The following CNTN4 variants were observed in gnomAD, a reference collection of about 807,000 sequenced individuals.
CNTN4 encodes the protein contactin-4.
Under a neutral mutation model 122.5 loss-of-function variants are expected in CNTN4, and 77 were observed. The ratio of observed to expected loss-of-function variants is 0.63; its 90% CI spans 0.52 to 0.76. The LOEUF (loss-of-function observed/expected upper bound fraction) is 0.76, where lower values mean the gene tolerates loss of function less well. Among genes scored for constraint, CNTN4 ranks in the 30% least tolerant of loss-of-function variants. The probability of loss-of-function intolerance (pLI) is 0.00; values close to 1 mark genes in which losing one functional copy is unlikely to be tolerated. For missense variants in CNTN4, 1,256 were observed against 1,259.1 expected, an observed-to-expected ratio of 1.00 and a Z score of 0.04; for synonymous variants, 512 against 447.0, an observed-to-expected ratio of 1.15 and a Z score of -1.83.
intron 4 of CNTN4, among the ~76,000 whole-genome samples, chr3:2,705,201 T>C (rs558123910): frequency 2.0e-5 from 3 of 150,672 alleles, no homozygotes; most frequent in Non-Finnish European, 4.4e-5. Flanking sequence ...ACCCCGTCTC[T>C]ACTAAAACTA....
chr3:2,370,718 A>G (rs1284894906), intron 3 of CNTN4, among the ~76,000 whole-genome samples: 1 of 152,208 alleles, frequency 6.6e-6, no homozygotes, highest in East Asian at 1.9e-4. Flanking sequence ...ACTTATTGTT[A>G]ACCAGTATTG....
intron 2 of CNTN4, among the ~76,000 whole-genome samples, chr3:2,140,000 G>C (rs2034915440): frequency 6.6e-6 from 1 of 152,166 alleles, no homozygotes. Flanking sequence ...GGTCTTTACT[G>C]TGCCGTTCTT....
At chr3:2,494,006 C>T (rs895079747) in intron 3 of CNTN4, among the ~76,000 whole-genome samples, 1 of 151,852 alleles carries the variant, frequency 6.6e-6, no homozygotes, top group African/African-American at 2.4e-5. Context: ...ACTGTTATAC[C>T]AGTCCTGGAT....
chr3:2,623,961 A>G (rs1325284100), intron 4 of CNTN4, among the ~76,000 whole-genome samples: 3 of 152,176 alleles, frequency 2.0e-5, no homozygotes, highest in Non-Finnish European at 4.4e-5. Context: ...CTGTTTCTTC[A>G]ATTATTAATG....
intron 14 of CNTN4, among the ~76,000 whole-genome samples, chr3:3,010,237 T>C (rs551759678): frequency 6.4e-4 from 97 of 152,164 alleles, no homozygotes; most frequent in Middle Eastern, 3.4e-3. Context: ...AGGGACCTAA[T>C]TGATTTTAAA....
chr3:2,149,382 G>A (rs948975717), intron 2 of CNTN4, among the ~76,000 whole-genome samples: 4 of 152,140 alleles, frequency 2.6e-5, no homozygotes, highest in Admixed American at 2.0e-4. Context: ...TCTGTAGAGG[G>A]ATACGTTGAG....
chr3:2,351,009 C>A (rs2044590532), intron 3 of CNTN4, among the ~76,000 whole-genome samples: 3 of 152,176 alleles, frequency 2.0e-5, no homozygotes, highest in Admixed American at 6.5e-5. Flanking sequence ...ACCTTAATTT[C>A]TGTACAATGT....
chr3:2,843,391 G>A (rs2093398170), intron 7 of CNTN4, among the ~76,000 whole-genome samples: 1 of 152,164 alleles, frequency 6.6e-6, no homozygotes, highest in Admixed American at 6.5e-5. Context: ...TAAGTGGCTT[G>A]ATCACAAGAG....
At chr3:2,892,821 G>A (rs2094059052) in intron 10 of CNTN4, among the ~76,000 whole-genome samples, 1 of 152,234 alleles carries the variant, frequency 6.6e-6, no homozygotes. Flanking sequence ...TAAGCTGGAA[G>A]CAACTGCTGG....
intron 13 of CNTN4, among the ~76,000 whole-genome samples, chr3:2,968,584 T>A (rs1322445781): frequency 6.6e-6 from 1 of 152,184 alleles, no homozygotes; most frequent in Non-Finnish European, 1.5e-5. Context: ...GAAAAAACTT[T>A]TTGTGATCAG....
At chr3:2,368,117 C>T (rs1029262422) in intron 3 of CNTN4, among the ~76,000 whole-genome samples, 12 of 148,354 alleles carry the variant, frequency 8.1e-5, no homozygotes, top group South Asian at 2.2e-4. Flanking sequence ...ACTGCAAGCT[C>T]TGCCTCCTGG....
At chr3:2,572,371 G>T (rs1387329292) in intron 4 of CNTN4, among the ~76,000 whole-genome samples, 2 of 152,174 alleles carry the variant, frequency 1.3e-5, no homozygotes, top group African/African-American at 4.8e-5. Context: ...GGGCAACAGA[G>T]TGAGGCTCGG....
At chr3:2,753,078 A>C (rs745663772) in intron 6 of CNTN4, among the ~76,000 whole-genome samples, 1 of 152,222 alleles carries the variant, frequency 6.6e-6, no homozygotes, top group African/African-American at 2.4e-5. Context: ...GCTGCAATAA[A>C]TATGAAAGTG....
intron 8 of CNTN4, among the ~76,000 whole-genome samples, chr3:2,870,796 C>T (rs1262299686): frequency 6.6e-6 from 1 of 152,150 alleles, no homozygotes; most frequent in Non-Finnish European, 1.5e-5. Context: ...CTGTATTTCC[C>T]CAATATTCAG....
chr3:2,221,194 A>C lies in CNTN4; in HGVS notation c.-144-117984A>C, dbSNP rs148294604. 1.4e-4 allele frequency among the ~76,000 whole-genome samples: 21 copies of C among 152,260 alleles called. No individual in the cohort carries two copies. In the East Asian group the frequency reaches 3.9e-3, roughly 28 times the overall value. ...AAGAATGAAAACATTGATGCATCCC[A>C]GATTTGTGGGCCTTTCGTTGGAAGT... On this transcript the variant is annotated intron_variant, in intron 2 of 24. Coordinates refer to ENST00000418658, the MANE Select transcript of CNTN4 (RefSeq NM_175607.3).
At chr3:2,916,198 T>G (rs905862137) in intron 12 of CNTN4, among the ~76,000 whole-genome samples, 2 of 152,180 alleles carry the variant, frequency 1.3e-5, no homozygotes, top group African/African-American at 4.8e-5. Context: ...TTTCTTTTTC[T>G]TTTTTTCAAT....
chr3:2,500,704 C>A (rs1156330753), intron 3 of CNTN4, among the ~76,000 whole-genome samples: 5 of 151,890 alleles, frequency 3.3e-5, no homozygotes, highest in African/African-American at 1.2e-4. Context: ...TGATATAATT[C>A]ATTCTTAAAC....
intron 3 of CNTN4, among the ~76,000 whole-genome samples, chr3:2,482,052 G>C (rs577869614): frequency 6.6e-6 from 1 of 152,334 alleles, no homozygotes; most frequent in South Asian, 2.1e-4. Flanking sequence ...AAATGTGAAA[G>C]CGATTTTGTA....
intron 2 of CNTN4, among the ~76,000 whole-genome samples, chr3:2,211,142 G>T (rs147834290): frequency 6.6e-6 from 1 of 152,240 alleles, no homozygotes. Context: ...TATGGCAGAG[G>T]GCAAAGTAGG....
Sources: allele counts gnomAD v4.1 joint callset (sites outside exome capture counted in the v4.1 genomes callset), GRCh38; gene constraint gnomAD v4.1.1; transcripts MANE v1.5; gene names NCBI Gene and HGNC (gene_info 2026-07-23, HGNC 2026-07-21).